The following GTPBP10 variants were observed in gnomAD, a reference collection of about 807,000 sequenced individuals.
GTPBP10 encodes GTP-binding protein 10.
In GTPBP10, 38 loss-of-function variants were observed where a neutral mutation model predicts 44.8. That is an observed-to-expected ratio of 0.85 (90% CI 0.65 to 1.11). The LOEUF is 1.11. Among genes scored for constraint, GTPBP10 ranks in the 50% most tolerant of loss-of-function variants. The probability of loss-of-function intolerance (pLI) is 0.00; values close to 1 mark genes in which losing one functional copy is unlikely to be tolerated. For synonymous variants in GTPBP10, 152 were observed against 150.6 expected (o/e 1.01, Z -0.07); for missense variants, 462 against 453.7 (o/e 1.02, Z -0.17).
At chr7:90,352,696 G>A in intron 1 of GTPBP10, 120 bp from the exon 2 acceptor site, 3 of 624,106 alleles carry the variant, frequency 4.8e-6, no homozygotes, top group South Asian at 2.7e-5. Flanking sequence ...TATAGAATTG[G>A]CATGTGAAAA....
intron 1 of GTPBP10, among the ~76,000 whole-genome samples, chr7:90,348,467 A>T (rs1380271557): frequency 3.3e-5 from 5 of 152,206 alleles, no homozygotes; most frequent in Admixed American, 1.3e-4. Flanking sequence ...AAGCTAGAGA[A>T]AAGAAACAGT....
At chr7:90,369,720 CTG>C (rs998180218) in intron 4 of GTPBP10, among the ~76,000 whole-genome samples, 1 of 152,186 alleles carries the variant, frequency 6.6e-6, no homozygotes, top group African/African-American at 2.4e-5. Flanking sequence ...CAGGTACAGA[CTG>C]TCACGACTTC....
At chr7:90,379,190 T>G (rs968999849) in intron 8 of GTPBP10, among the ~76,000 whole-genome samples, 2 of 152,222 alleles carry the variant, frequency 1.3e-5, no homozygotes, top group African/African-American at 4.8e-5. Flanking sequence ...TGTCAGTTTT[T>G]TATCCTAAAT....
intron 4 of GTPBP10, among the ~76,000 whole-genome samples, chr7:90,359,470 C>T (rs1476078040): frequency 1.3e-5 from 2 of 152,134 alleles, no homozygotes; most frequent in Non-Finnish European, 2.9e-5. Context: ...AGGACATGAA[C>T]TCATCTTTTT....
rs1162987768 is a variant in GTPBP10 at position 90,386,981 on chromosome 7, A to T, written c.*1827A>T. Reference sequence around the variant, plus strand: ...TTATGTATAAATTTTTACCCAAATGAATTCATTATATAAATTTTTTCCAAC... The same window carrying T: ...TTATGTATAAATTTTTACCCAAATGTATTCATTATATAAATTTTTTCCAAC... On this transcript the variant is annotated 3_prime_UTR_variant, in exon 10 of 10. Coordinates refer to ENST00000222511, the MANE Select transcript of GTPBP10 (RefSeq NM_033107.4). The T allele has an allele frequency of 6.6e-6, 1 of 152,148 alleles. No homozygotes were observed. Among genetic ancestry groups the T allele is most frequent in the African/African-American group, 2.4e-5 (1 of 41,416 alleles). The allele number at this position is 152,148 out of a possible 1,614,324, so 9.4% of individuals were successfully genotyped here. A position where few individuals can be genotyped will look rare whatever the true frequency, so the allele number is the denominator to read the frequency against.
intron 4 of GTPBP10, among the ~76,000 whole-genome samples, chr7:90,368,590 T>C (rs1796184066): frequency 6.6e-6 from 1 of 152,222 alleles, no homozygotes; most frequent in African/African-American, 2.4e-5. Context: ...AGTCGGCTAT[T>C]GAAGCTTGTG....
At chr7:90,376,682 C>T (rs959652640) in intron 6 of GTPBP10, among the ~76,000 whole-genome samples, 1 of 152,118 alleles carries the variant, frequency 6.6e-6, no homozygotes, top group Non-Finnish European at 1.5e-5. Context: ...ATGCCAAAAC[C>T]ACAGTTACTT....
chr7:90,380,015 T>C (rs970103288), intron 8 of GTPBP10, among the ~76,000 whole-genome samples: 8 of 152,186 alleles, frequency 5.3e-5, no homozygotes, highest in African/African-American at 1.9e-4. Context: ...TTTGTATTAT[T>C]TGTCTTTTAA....
intron 1 of GTPBP10, among the ~76,000 whole-genome samples, chr7:90,348,393 A>G (rs1795722615): frequency 6.6e-6 from 1 of 152,236 alleles, no homozygotes; most frequent in Non-Finnish European, 1.5e-5. Flanking sequence ...AGCCTCACTG[A>G]TAACATAAGC....
intron 4 of GTPBP10, 25 bp from the exon 5 acceptor site, chr7:90,372,130 G>T (rs1163944940): frequency 2.8e-6 from 4 of 1,415,208 alleles, no homozygotes; most frequent in Non-Finnish European, 4.0e-6. Context: ...TGACATTTGT[G>T]TATAATTTTA....
intron 4 of GTPBP10, among the ~76,000 whole-genome samples, chr7:90,369,022 T>C (rs956899792): frequency 2.0e-5 from 3 of 152,254 alleles, no homozygotes; most frequent in African/African-American, 7.2e-5. Context: ...CCTTTCTGTT[T>C]GTTAGTTTTC....
intron 8 of GTPBP10, among the ~76,000 whole-genome samples, chr7:90,378,641 C>T (rs541114420): frequency 3.9e-5 from 6 of 152,152 alleles, no homozygotes; most frequent in South Asian, 4.1e-4. Context: ...TACTCACTCC[C>T]GTTGCTTTAG....
chr7:90,383,147 A>G, intron 9 of GTPBP10, 68 bp downstream of exon 9: 1 of 1,195,524 alleles, frequency 8.4e-7, no homozygotes, highest in Middle Eastern at 2.4e-4. Flanking sequence ...TGCTGTTATA[A>G]TCAGTGGAAA....
intron 4 of GTPBP10, among the ~76,000 whole-genome samples, chr7:90,364,148 C>G (rs951842338): frequency 6.6e-6 from 1 of 152,238 alleles, no homozygotes. Context: ...CAAAGTCATT[C>G]TCTGTCCAGC....
chr7:90,381,764 C>G (rs1409803172), intron 8 of GTPBP10, among the ~76,000 whole-genome samples: 1 of 152,088 alleles, frequency 6.6e-6, no homozygotes, highest in Non-Finnish European at 1.5e-5. Context: ...TAAATCCATG[C>G]ATTTACAGTT....
chr7:90,372,326 C>A, intron 5 of GTPBP10, 98 bp downstream of exon 5: 2 of 868,080 alleles, frequency 2.3e-6, no homozygotes, highest in East Asian at 2.7e-5. Context: ...CGGAGGGTAT[C>A]CTTAACTGAA....
Position 90,385,152 on chromosome 7 carries a change from T to G in GTPBP10, c.1162T>G (p.Ter388GluextTer3). ...TACTACTTCCAAAATGGATATAATT[T>G]AAATATATTAAAAATGGTATTGATG... is the stretch of plus-strand genomic sequence containing the variant. Reference protein sequence around the residue: ...AVTTSKMDII* With the variant: ...AVTTSKMDIIE The change falls in exon 10 of 10, where the codon TAA becomes GAA. Residue 388 changes from the stop codon to glutamate, a stop_lost. Transcript: ENST00000222511. 3 of 1,582,126 alleles carry G rather than the reference T, an allele frequency of 1.9e-6. No individual in the cohort carries two copies. Among genetic ancestry groups the G allele is most frequent in the Non-Finnish European group, 2.6e-6 (3 of 1,161,152 alleles).
At chr7:90,379,677 A>G (rs1156775753) in intron 8 of GTPBP10, among the ~76,000 whole-genome samples, 7 of 152,202 alleles carry the variant, frequency 4.6e-5, no homozygotes, top group African/African-American at 1.7e-4. Flanking sequence ...TCTTGGATGT[A>G]TACTTAGGAG....
chr7:90,353,359 C>A (rs772571888), intron 2 of GTPBP10: 41 of 167,406 alleles, frequency 2.4e-4, no homozygotes, highest in Non-Finnish European at 4.6e-4. Context: ...ACCCCACCAC[C>A]ATTAGAAGGC....
Sources: gnomAD v4.1 joint callset for allele counts (sites outside exome capture counted in the v4.1 genomes callset) on GRCh38, gnomAD v4.1.1 for gene constraint, MANE v1.5 for transcripts, NCBI Gene and HGNC (gene_info 2026-07-23, HGNC 2026-07-21) for gene names.